Variants in ITGB3 observed in about 807,000 individuals in gnomAD.
The protein encoded by ITGB3 is integrin beta-3.
Under a neutral mutation model 85.8 loss-of-function variants are expected in ITGB3, and 48 were observed. That is an observed-to-expected ratio of 0.56 (90% CI 0.44 to 0.71). The LOEUF (loss-of-function observed/expected upper bound fraction) is 0.71. Ranked by LOEUF, ITGB3 falls within the 30% of genes least tolerant of loss-of-function variation. The pLI is 0.00. For synonymous variants in ITGB3, 363 were observed against 395.6 expected (o/e 0.92, Z 0.98); for missense variants, 861 against 1,019.1 (o/e 0.84, Z 2.11).
chr17:47,276,400 C>T (rs73316495), intron 2 of ITGB3, among the ~76,000 whole-genome samples: 63 of 152,240 alleles, frequency 4.1e-4, no homozygotes, highest in African/African-American at 1.5e-3. Flanking sequence ...GACTGTTGTG[C>T]TCCTTGTCCC....
In ITGB3 at chr17:47,290,470, A is replaced by AAGGAAGGAAGGAAGGAAGAG. The variant is rs1398788824; in HGVS notation, c.1125+198_1125+199insGAAGGAAGGAAGGAAGAGAG. ...CTGAGAAGGAAGGAAGGAAGGAAGG[A>AAGGAAGGAAGGAAGGAAGAG]AGAGAGAAAGAAGGAAAGAAGATGG... On this transcript the variant is annotated intron_variant, in intron 8 of 14. Coordinates refer to ENST00000559488, the MANE Select transcript of ITGB3 (RefSeq NM_000212.3). Among the ~76,000 whole-genome samples the AAGGAAGGAAGGAAGGAAGAG allele has an allele frequency of 3.7e-3, 563 of 151,908 alleles. 2 individuals carry two copies. Among genetic ancestry groups the AAGGAAGGAAGGAAGGAAGAG allele is most frequent in the South Asian group, 0.011 (53 of 4,780 alleles).
intron 1 of ITGB3, among the ~76,000 whole-genome samples, chr17:47,269,284 T>G (rs2065036321): frequency 6.6e-6 from 1 of 152,260 alleles, no homozygotes; most frequent in Admixed American, 6.5e-5. Flanking sequence ...TCCTCGTTAC[T>G]TATTTCTGCA....
At chr17:47,294,677 C>A (rs1270252831) in intron 10 of ITGB3, among the ~76,000 whole-genome samples, 1 of 152,220 alleles carries the variant, frequency 6.6e-6, no homozygotes, top group East Asian at 1.9e-4. Context: ...GTGACAGATA[C>A]TCAGGGGCGC....
intron 2 of ITGB3, among the ~76,000 whole-genome samples, chr17:47,275,058 C>G (rs1008232712): frequency 2.6e-5 from 4 of 152,174 alleles, no homozygotes; most frequent in African/African-American, 9.7e-5. Context: ...TGCTGGCTTA[C>G]TTCTTTTTCC....
chr17:47,276,719 G>A (rs1473950129), intron 2 of ITGB3, among the ~76,000 whole-genome samples: 1 of 152,286 alleles, frequency 6.6e-6, no homozygotes, highest in East Asian at 1.9e-4. Context: ...AGGGATGGGA[G>A]GTGGGAATCC....
At chr17:47,269,290 C>G (rs879545831) in intron 1 of ITGB3, among the ~76,000 whole-genome samples, 9 of 152,344 alleles carry the variant, frequency 5.9e-5, no homozygotes, top group Non-Finnish European at 1.5e-5. Context: ...TTACTTATTT[C>G]TGCAGCTGGC....
At chr17:47,256,123 G>A (rs1437677185) in intron 1 of ITGB3, among the ~76,000 whole-genome samples, 1 of 152,144 alleles carries the variant, frequency 6.6e-6, no homozygotes, top group Non-Finnish European at 1.5e-5. Flanking sequence ...ACTTTGGAGT[G>A]TATTGGATTC....
At chr17:47,276,226 A>T (rs2065063458) in intron 2 of ITGB3, among the ~76,000 whole-genome samples, 1 of 152,120 alleles carries the variant, frequency 6.6e-6, no homozygotes, top group African/African-American at 2.4e-5. Flanking sequence ...GGAAAAAGAA[A>T]ACCTTCTTGG....
At chr17:47,260,520 A>G (rs1256532064) in intron 1 of ITGB3, among the ~76,000 whole-genome samples, 3 of 152,366 alleles carry the variant, frequency 2.0e-5, no homozygotes, top group African/African-American at 7.2e-5. Flanking sequence ...AAGTCCCTGT[A>G]GTCAACCCTA....
chr17:47,304,592 G>GTTTTGT (rs370019711), intron 13 of ITGB3, among the ~76,000 whole-genome samples: 178 of 152,038 alleles, frequency 1.2e-3, no homozygotes, highest in South Asian at 3.3e-3. Flanking sequence ...TGCTTTTTTT[G>GTTTTGT]TTTTGTTTTT....
In ITGB3 at chr17:47,299,914, A is replaced by G. The variant is rs570030479; in HGVS notation, c.1913+384A>G. The stretch of plus-strand genomic sequence containing the variant: ...GAAACTACTACAAACCTCCCACTTT[A>G]GGGGCCAGAGGAAGCCCCATCAGCC... On this transcript the variant is annotated intron_variant, in intron 11 of 14. Coordinates refer to ENST00000559488, the MANE Select transcript of ITGB3 (RefSeq NM_000212.3). The surrounding 1 kb of genome is among the most constrained non-coding windows in gnomAD (Gnocchi z 5.1). Among the ~76,000 whole-genome samples the G allele has an allele frequency of 0.017, 2,657 of 152,286 alleles. 69 individuals are homozygous for G. Among genetic ancestry groups the G allele is most frequent in the African/African-American group, 0.061 (2,541 of 41,546 alleles).
At chr17:47,291,575 G>C (rs1598694244) in intron 9 of ITGB3, 1 of 268,244 alleles carries the variant, frequency 3.7e-6, no homozygotes, top group East Asian at 9.4e-5. Context: ...GGAGGAAGGA[G>C]GGGAAGAAAA....
chr17:47,253,980 A>C, intron 1 of ITGB3, 40 bp downstream of exon 1: 1 of 1,265,780 alleles, frequency 7.9e-7, no homozygotes. Flanking sequence ...CAGCTGCCCC[A>C]GGATCTGCGC....
At chr17:47,302,576 G>C (rs946868456) in intron 12 of ITGB3, 145 bp from the exon 13 acceptor site, 2 of 935,728 alleles carry the variant, frequency 2.1e-6, no homozygotes, top group African/African-American at 3.2e-5. Context: ...AGACACAACA[G>C]CCACCTTGAA....
At chr17:47,283,660 G>A in intron 3 of ITGB3, 111 bp downstream of exon 3, 1 of 1,029,616 alleles carries the variant, frequency 9.7e-7, no homozygotes, top group Non-Finnish European at 1.5e-6. Context: ...GAAATGGGGT[G>A]GGAAGACAAG....
intron 10 of ITGB3, among the ~76,000 whole-genome samples, chr17:47,292,911 C>G (rs549157890): frequency 4.5e-4 from 68 of 152,268 alleles, no homozygotes; most frequent in African/African-American, 1.6e-3. Context: ...TGAACAATGT[C>G]TGGAAAATGG....
intron 10 of ITGB3, among the ~76,000 whole-genome samples, chr17:47,294,500 C>A (rs889083971): frequency 6.6e-6 from 1 of 152,240 alleles, no homozygotes; most frequent in Non-Finnish European, 1.5e-5. Flanking sequence ...AGCCCCAGTT[C>A]CTGCCTCTCA....
intron 1 of ITGB3, among the ~76,000 whole-genome samples, chr17:47,271,457 G>A (rs900626903): frequency 2.0e-5 from 3 of 152,200 alleles, no homozygotes; most frequent in Non-Finnish European, 4.4e-5. Flanking sequence ...AAAGAAGGGA[G>A]ATTTATGGTT....
chr17:47,293,959 C>G (rs866862925), intron 10 of ITGB3, among the ~76,000 whole-genome samples: 1 of 152,220 alleles, frequency 6.6e-6, no homozygotes, highest in African/African-American at 2.4e-5. Context: ...CACTTCGATA[C>G]TGATATTAAC....
Sources: gnomAD v4.1 joint callset for allele counts (sites outside exome capture counted in the v4.1 genomes callset) on GRCh38, gnomAD v4.1.1 for gene constraint, Gnocchi (gnomAD v3.1) non-coding constraint, MANE v1.5 for transcripts, NCBI Gene and HGNC (gene_info 2026-07-23, HGNC 2026-07-21) for gene names.